The following ARHGAP18 variants were observed in gnomAD, a reference collection of about 807,000 sequenced individuals.
The protein encoded by ARHGAP18 is rho GTPase-activating protein 18.
In ARHGAP18, 67 loss-of-function variants were observed where a neutral mutation model predicts 86.2. The ratio of observed to expected loss-of-function variants is 0.78; its 90% CI spans 0.64 to 0.95. ARHGAP18 has a LOEUF of 0.95. ARHGAP18 is among the 40% of genes least tolerant of loss of function. ARHGAP18 has a pLI of 0.00. For synonymous variants in ARHGAP18, 283 were observed against 280.4 expected, an observed-to-expected ratio of 1.01 and a Z score of -0.09; for missense variants, 691 against 780.4, an observed-to-expected ratio of 0.89 and a Z score of 1.37.
At chr6:129,613,216 G>C (rs1266692829) in intron 7 of ARHGAP18, among the ~76,000 whole-genome samples, 1 of 137,684 alleles carries the variant, frequency 7.3e-6, no homozygotes, top group Non-Finnish European at 1.5e-5. Context: ...CTGGGCGACA[G>C]AGCGAGACTC....
Position 129,646,334 on chromosome 6 carries a change from A to G in ARHGAP18, c.114-4316T>C, listed in dbSNP as rs1449346674. ...GAAAATTCTTACTGAAGTGCCTCAT[A>G]GGTAACCATGAAAAAGGTCCCCTAG... On this transcript the variant is annotated intron_variant, in intron 1 of 14. Coordinates refer to ENST00000368149, the MANE Select transcript of ARHGAP18 (RefSeq NM_033515.3). Among the ~76,000 whole-genome samples the G allele has an allele frequency of 4.6e-5, 7 of 152,180 alleles. No individual in the cohort carries two copies. In the East Asian group the frequency reaches 1.4e-3, roughly 29 times the overall value.
In ARHGAP18 at chr6:129,584,858, G is replaced by A. The variant is rs144865832; in HGVS notation, c.1714-746C>T. On this transcript the variant is annotated intron_variant, in intron 12 of 14. Transcript: ENST00000368149. ...AGAATAAACAGCACGCACAAATCAT[G>A]TTCAAAAGATAATGCTTTAAATAAT... Among the ~76,000 whole-genome samples the A allele has an allele frequency of 4.9e-3, 745 of 152,130 alleles. 7 individuals are homozygous for A. The highest frequency in any genetic ancestry group is 0.017 in the African/African-American group (707 of 41,516).
intron 4 of ARHGAP18, among the ~76,000 whole-genome samples, chr6:129,631,505 A>G (rs1325132861): frequency 6.6e-6 from 1 of 152,182 alleles, no homozygotes; most frequent in Non-Finnish European, 1.5e-5. Context: ...CAAGAAATGG[A>G]TGATTACTTG....
intron 1 of ARHGAP18, among the ~76,000 whole-genome samples, chr6:129,685,992 A>G (rs1287038090): frequency 2.0e-5 from 3 of 152,160 alleles, no homozygotes; most frequent in Non-Finnish European, 4.4e-5. Context: ...CAGCCCTTAC[A>G]TTGCCGGGGG....
intron 5 of ARHGAP18, 148 bp downstream of exon 5, chr6:129,629,205 G>C (rs1441740098): frequency 1.5e-6 from 1 of 682,908 alleles, no homozygotes; most frequent in Non-Finnish European, 2.1e-6. Context: ...GCAACGTAGT[G>C]AGGCCTCATC....
chr6:129,595,934 C>T (rs1014437334), intron 12 of ARHGAP18, among the ~76,000 whole-genome samples: 3 of 152,084 alleles, frequency 2.0e-5, no homozygotes, highest in African/African-American at 7.2e-5. Flanking sequence ...ATCTCAATGG[C>T]TCTAACTTCA....
At chr6:129,625,084 TATATG>T (rs1410286819) in intron 5 of ARHGAP18, among the ~76,000 whole-genome samples, 1 of 103,958 alleles carries the variant, frequency 9.6e-6, no homozygotes, top group Non-Finnish European at 1.8e-5. Context: ...ATATATATGA[TATATG>T]ATATATGATA....
At chr6:129,677,348 G>T (rs1774254113) in intron 1 of ARHGAP18, among the ~76,000 whole-genome samples, 1 of 151,560 alleles carries the variant, frequency 6.6e-6, no homozygotes, top group South Asian at 2.1e-4. Context: ...AGCCGAGATC[G>T]CACCACTGCA....
chr6:129,665,223 T>C (rs1317492060), intron 1 of ARHGAP18, among the ~76,000 whole-genome samples: 1 of 152,078 alleles, frequency 6.6e-6, no homozygotes, highest in African/African-American at 2.4e-5. Flanking sequence ...CCAATGACAA[T>C]CTACATCTGT....
At chr6:129,603,710 A>G (rs762330424) in intron 10 of ARHGAP18, among the ~76,000 whole-genome samples, 1 of 152,214 alleles carries the variant, frequency 6.6e-6, no homozygotes, top group Non-Finnish European at 1.5e-5. Context: ...GCTATCTTAA[A>G]ATCAGTCTTC....
intron 8 of ARHGAP18, among the ~76,000 whole-genome samples, chr6:129,609,003 A>AG (rs1788917981): frequency 1.4e-5 from 2 of 146,526 alleles, no homozygotes; most frequent in African/African-American, 2.6e-5. Flanking sequence ...AAGGAGGAAG[A>AG]GGAAAAAAAA....
chr6:129,625,713 A>G (rs1406437765), intron 5 of ARHGAP18, among the ~76,000 whole-genome samples: 1 of 64,792 alleles, frequency 1.5e-5, no homozygotes, highest in Non-Finnish European at 2.7e-5. Context: ...TATATTATAT[A>G]TTTATATATT....
chr6:129,641,908 A>G lies in ARHGAP18; in HGVS notation c.224T>C (p.Met75Thr), dbSNP rs1360464157. 6.2e-7 allele frequency: 1 copy of G among 1,613,844 alleles called. No homozygotes were observed. The change falls in exon 2 of 15, where the codon ATG becomes ACG. Residue 75 changes from methionine (M) to threonine (T), a missense_variant. Coordinates refer to ENST00000368149, the MANE Select transcript of ARHGAP18 (RefSeq NM_033515.3). ...ISQDSLDELSMEDYWIELENI... is the reference protein window; with the variant it reads ...ISQDSLDELSTEDYWIELENI... ...TTCTAGTTCTATCCAATAGTCTTCC[A>G]TAGATAGTTCATCCAAAGAATCCTG...
intron 7 of ARHGAP18, among the ~76,000 whole-genome samples, chr6:129,613,043 T>C (rs1435076833): frequency 2.0e-5 from 3 of 151,686 alleles, no homozygotes; most frequent in Non-Finnish European, 4.4e-5. Flanking sequence ...ACCATCCTTG[T>C]TAACATGGTG....
At chr6:129,628,414 T>G (rs372728742) in intron 5 of ARHGAP18, among the ~76,000 whole-genome samples, 1 of 152,310 alleles carries the variant, frequency 6.6e-6, no homozygotes, top group African/African-American at 2.4e-5. Context: ...AAATGGATGG[T>G]GAAACCACTG....
intron 5 of ARHGAP18, among the ~76,000 whole-genome samples, chr6:129,626,137 G>C (rs1193362306): frequency 1.5e-5 from 2 of 135,138 alleles, no homozygotes; most frequent in Non-Finnish European, 3.1e-5. Flanking sequence ...AAACAATTCA[G>C]ATGTCCGCCA....
intron 1 of ARHGAP18, among the ~76,000 whole-genome samples, chr6:129,693,076 A>C (rs927268826): frequency 6.6e-6 from 1 of 152,198 alleles, no homozygotes; most frequent in East Asian, 1.9e-4. Context: ...TGAAATATAT[A>C]AATGGCTTTA....
At chr6:129,660,047 C>T (rs1773920606) in intron 1 of ARHGAP18, among the ~76,000 whole-genome samples, 1 of 152,146 alleles carries the variant, frequency 6.6e-6, no homozygotes, top group Non-Finnish European at 1.5e-5. Context: ...CAGGGAGGTA[C>T]AACCCCCTGG....
At chr6:129,669,963 A>G (rs940216585) in intron 1 of ARHGAP18, among the ~76,000 whole-genome samples, 9 of 152,222 alleles carry the variant, frequency 5.9e-5, no homozygotes, top group African/African-American at 2.2e-4. Context: ...TATATTCACT[A>G]TGACACCATA....
Sources: gnomAD v4.1 joint callset for allele counts (sites outside exome capture counted in the v4.1 genomes callset) on GRCh38, gnomAD v4.1.1 for gene constraint, MANE v1.5 for transcripts, NCBI Gene and HGNC (gene_info 2026-07-23, HGNC 2026-07-21) for gene names.